ECHDC1: variants seen among roughly 807,000 people sequenced by gnomAD.
ECHDC1 encodes ethylmalonyl-CoA decarboxylase.
Under a neutral mutation model 29.7 loss-of-function variants are expected in ECHDC1, and 29 were observed. The observed-to-expected ratio is 0.98, with a 90% CI of 0.73 to 1.33. ECHDC1 has a LOEUF of 1.33. Ranked by LOEUF, ECHDC1 falls within the 40% of genes most tolerant of loss-of-function variation. The pLI, the probability that ECHDC1 is intolerant of heterozygous loss-of-function variation, is 0.00. For synonymous variants in ECHDC1, 126 were observed against 123.1 expected (o/e 1.02, Z -0.15); for missense variants, 328 against 350.0 (o/e 0.94, Z 0.50).
chr6:127,305,644 C>T (rs1781383590), intron 5 of ECHDC1, among the ~76,000 whole-genome samples: 1 of 151,812 alleles, frequency 6.6e-6, no homozygotes, highest in African/African-American at 2.4e-5. Context: ...AATTAAAAAG[C>T]CAGAGGATAA....
At chr6:127,333,898 T>C (rs1784194340) in intron 1 of ECHDC1, among the ~76,000 whole-genome samples, 1 of 152,226 alleles carries the variant, frequency 6.6e-6, no homozygotes, top group Non-Finnish European at 1.5e-5. Flanking sequence ...GGTATCTTAC[T>C]GTGGTTTCAT....
At chr6:127,337,847 T>C (rs1007790300) in intron 1 of ECHDC1, among the ~76,000 whole-genome samples, 1 of 152,196 alleles carries the variant, frequency 6.6e-6, no homozygotes, top group Admixed American at 6.6e-5. Flanking sequence ...CGAAGTTCAG[T>C]GGTCAAAGTC....
chr6:127,305,932 G>C (rs2114589816), intron 5 of ECHDC1, among the ~76,000 whole-genome samples: 1 of 150,750 alleles, frequency 6.6e-6, no homozygotes, highest in East Asian at 2.0e-4. Flanking sequence ...AATGGCAGGA[G>C]TAAGTCCTTA....
chr6:127,290,290 A>T lies in ECHDC1; in HGVS notation c.498-13T>A, dbSNP rs1780035722. On this transcript the variant is annotated splice_polypyrimidine_tract_variant and intron_variant, in intron 5 of 5. Coordinates refer to ENST00000454859, the MANE Select transcript of ECHDC1 (RefSeq NM_001002030.2). The stretch of plus-strand genomic sequence containing the variant: ...TGGAGTCATTAACCTGTAAAAGAAA[A>T]AAGAAAAGCTTAATTGTAACTCTCT... 1.9e-6 allele frequency: 3 copies of T among 1,602,030 alleles called. No individual in the cohort carries two copies. Among genetic ancestry groups the T allele is most frequent in the African/African-American group, 1.4e-5 (1 of 73,990 alleles).
intron 5 of ECHDC1, among the ~76,000 whole-genome samples, chr6:127,304,947 T>A (rs892193348): frequency 6.6e-6 from 1 of 152,166 alleles, no homozygotes; most frequent in African/African-American, 2.4e-5. Context: ...CTAAGAGTTA[T>A]TGGCCTTAAA....
intron 4 of ECHDC1, 77 bp downstream of exon 4, chr6:127,316,373 C>G (rs1782377636): frequency 8.4e-7 from 1 of 1,192,442 alleles, no homozygotes; most frequent in Admixed American, 2.2e-5. Context: ...TATTTCTTAA[C>G]TAGTACAAAT....
intron 3 of ECHDC1, 103 bp downstream of exon 3, chr6:127,326,899 A>G (rs1378221826): frequency 2.2e-6 from 3 of 1,335,168 alleles, no homozygotes; most frequent in Non-Finnish European, 3.0e-6. Flanking sequence ...TAATCCTTTG[A>G]AAGTTATTAA....
intron 5 of ECHDC1, among the ~76,000 whole-genome samples, chr6:127,293,174 GTTAACTC>G (rs930126554): frequency 6.6e-6 from 1 of 152,060 alleles, no homozygotes; most frequent in Non-Finnish European, 1.5e-5. Flanking sequence ...TTCTTGATGA[GTTAACTC>G]TTAAGTTTCA....
intron 5 of ECHDC1, among the ~76,000 whole-genome samples, chr6:127,309,112 T>G (rs1781672580): frequency 6.6e-6 from 1 of 152,046 alleles, no homozygotes; most frequent in South Asian, 2.1e-4. Context: ...GATCCTAAAA[T>G]TTATATGGAA....
chr6:127,316,319 A>G, intron 4 of ECHDC1, 131 bp downstream of exon 4: 1 of 716,830 alleles, frequency 1.4e-6, no homozygotes, highest in East Asian at 2.8e-5. Flanking sequence ...CGGCACAAAA[A>G]AATAGTACAT....
chr6:127,329,109 C>T (rs1783661906), intron 2 of ECHDC1, among the ~76,000 whole-genome samples: 1 of 151,824 alleles, frequency 6.6e-6, no homozygotes, highest in South Asian at 2.1e-4. Flanking sequence ...TCCTATGGTG[C>T]TGATTTTTTT....
chr6:127,302,168 A>C (rs941660937), intron 5 of ECHDC1, among the ~76,000 whole-genome samples: 3 of 152,194 alleles, frequency 2.0e-5, no homozygotes, highest in Admixed American at 1.3e-4. Context: ...ATAATCTCTG[A>C]TTATTTTTCC....
At chr6:127,305,304 T>C (rs1348736328) in intron 5 of ECHDC1, among the ~76,000 whole-genome samples, 3 of 152,174 alleles carry the variant, frequency 2.0e-5, no homozygotes, top group Non-Finnish European at 2.9e-5. Context: ...AATCCTTTCA[T>C]GCTAGAATAG....
chr6:127,335,967 T>G (rs2114702056), intron 1 of ECHDC1, among the ~76,000 whole-genome samples: 1 of 152,196 alleles, frequency 6.6e-6, no homozygotes, highest in Non-Finnish European at 1.5e-5. Context: ...TATTAACAGA[T>G]TTTAAGGTAT....
chr6:127,330,409 TA>T (rs1171015833), intron 2 of ECHDC1, among the ~76,000 whole-genome samples: 3 of 152,208 alleles, frequency 2.0e-5, no homozygotes, highest in Non-Finnish European at 4.4e-5. Context: ...AAAATTAAGC[TA>T]AATAATTCTT....
chr6:127,314,739 T>C (rs1782217693), intron 5 of ECHDC1, 77 bp downstream of exon 5: 3 of 1,086,956 alleles, frequency 2.8e-6, no homozygotes, highest in Non-Finnish European at 4.1e-6. Context: ...ATATATAAAA[T>C]ATTGATATTA....
rs1779964128 is a variant in ECHDC1, at chr6:127,289,835, G to A, written c.*34C>T. The A allele has an allele frequency of 1.3e-6, 2 of 1,559,560 alleles. No individual in the cohort carries two copies. Among genetic ancestry groups the A allele is most frequent in the Non-Finnish European group, 8.7e-7 (1 of 1,153,324 alleles). On this transcript the variant is annotated 3_prime_UTR_variant, in exon 6 of 6. Transcript: ENST00000454859. ...ACATTTATACATATTAGTCACTGGA[G>A]CTTTACTTGGAGTACATCCACACGA...
chr6:127,329,654 A>T (rs1783733153), intron 2 of ECHDC1, among the ~76,000 whole-genome samples: 1 of 152,214 alleles, frequency 6.6e-6, no homozygotes, highest in African/African-American at 2.4e-5. Flanking sequence ...GAGACTTAGT[A>T]TGAAAATAAA....
chr6:127,336,009 G>A (rs1370034602), intron 1 of ECHDC1, among the ~76,000 whole-genome samples: 1 of 151,940 alleles, frequency 6.6e-6, no homozygotes, highest in Non-Finnish European at 1.5e-5. Context: ...GAAAGCTAGA[G>A]GGAACAATGA....
Sources: gnomAD v4.1 joint callset for allele counts (sites outside exome capture counted in the v4.1 genomes callset) on GRCh38, gnomAD v4.1.1 for gene constraint, MANE v1.5 for transcripts, NCBI Gene and HGNC (gene_info 2026-07-23, HGNC 2026-07-21) for gene names.